Variants in GPBP1L1 observed in about 807,000 individuals in gnomAD.
GPBP1L1 encodes the protein vasculin-like protein 1.
In GPBP1L1, 23 loss-of-function variants were observed where a neutral mutation model predicts 52.5. The observed-to-expected ratio is 0.44, with a 90% CI of 0.32 to 0.62. GPBP1L1 has a LOEUF of 0.62. Ranked by LOEUF, GPBP1L1 falls within the 20% of genes least tolerant of loss-of-function variation. The probability of loss-of-function intolerance (pLI) is 0.06; values close to 1 mark genes in which losing one functional copy is unlikely to be tolerated. For synonymous variants in GPBP1L1, 243 were observed against 203.1 expected (o/e 1.20, Z -1.67); for missense variants, 596 against 579.3 (o/e 1.03, Z -0.30).
intron 2 of GPBP1L1, among the ~76,000 whole-genome samples, chr1:45,672,119 T>G (rs755803764): frequency 6.6e-6 from 1 of 152,192 alleles, no homozygotes; most frequent in Non-Finnish European, 1.5e-5. Context: ...TCCCAGCACT[T>G]TGGGAGGCCA....
At chr1:45,656,658 C>G (rs1416768378) in intron 4 of GPBP1L1, among the ~76,000 whole-genome samples, 1 of 151,238 alleles carries the variant, frequency 6.6e-6, no homozygotes, top group East Asian at 1.9e-4. Context: ...CAACAAAATA[C>G]ATACATAAGC....
intron 8 of GPBP1L1, among the ~76,000 whole-genome samples, chr1:45,638,208 A>T (rs1336731886): frequency 6.6e-6 from 1 of 152,224 alleles, no homozygotes; most frequent in Non-Finnish European, 1.5e-5. Context: ...TTCCAAGTAC[A>T]GTTCAAGTTG....
rs1190792688 is a variant in GPBP1L1, at chr1:45,666,176, G to GCAGTAGCACCCACTGCAACCTCCATCCCC, written c.-1097-4952_-1097-4951insGGGGATGGAGGTTGCAGTGGGTGCTACTG. On this transcript the variant is annotated intron_variant, in intron 2 of 12. Transcript: ENST00000355105. ...AGTCTTCTGTCACCCAGGCTGGAGTGCAGTGGCACCCACTGCAACCTCCAT... is the reference window on the plus strand; with the variant it reads ...AGTCTTCTGTCACCCAGGCTGGAGTGCAGTAGCACCCACTGCAACCTCCATCCCCCAGTGGCACCCACTGCAACCTCCAT... 2.9e-3 allele frequency among the ~76,000 whole-genome samples: 438 copies of GCAGTAGCACCCACTGCAACCTCCATCCCC among 151,380 alleles called. 3 individuals are homozygous for GCAGTAGCACCCACTGCAACCTCCATCCCC. Among genetic ancestry groups the GCAGTAGCACCCACTGCAACCTCCATCCCC allele is most frequent in the East Asian group, 0.021 (109 of 5,124 alleles).
At chr1:45,645,877 A>G (rs1339930183) in intron 6 of GPBP1L1, 6 of 508,522 alleles carry the variant, frequency 1.2e-5, no homozygotes, top group Non-Finnish European at 2.3e-5. Flanking sequence ...TTCATGGTCC[A>G]TGATACCAGC....
At position 45,659,094 on chromosome 1, in the gene GPBP1L1, CCA is replaced by C; in HGVS notation, c.-9_-8del. On this transcript the variant is annotated 5_prime_UTR_variant, in exon 4 of 13. An upstream open reading frame in the 5' UTR loses its in-frame stop. Coordinates refer to ENST00000355105, the MANE Select transcript of GPBP1L1 (RefSeq NM_021639.5). ...CAAAATCATGCTGCGCCATTTAGGT[CCA>C]GTGTCTCCTTTCAGTAAGGTGAGGC... 5 of 1,614,034 alleles carry C rather than the reference CCA, an allele frequency of 3.1e-6. No individual in the cohort carries two copies. Among genetic ancestry groups the C allele is most frequent in the Non-Finnish European group, 4.2e-6 (5 of 1,179,940 alleles).
intron 2 of GPBP1L1, among the ~76,000 whole-genome samples, chr1:45,675,295 CA>C (rs1421407250): frequency 1.3e-5 from 2 of 149,882 alleles, no homozygotes; most frequent in African/African-American, 2.5e-5. Context: ...GACTCTGTCT[CA>C]AAAAAAATAA....
chr1:45,641,812 C>T, intron 7 of GPBP1L1: 1 of 71,608 alleles, frequency 1.4e-5, no homozygotes, highest in African/African-American at 4.7e-5. Flanking sequence ...GAGACTCCAT[C>T]TCAAAAAAAA....
Position 45,659,153 on chromosome 1 carries a change from A to C in GPBP1L1, c.-55-11T>G. The C allele has an allele frequency of 6.8e-7, 1 of 1,464,408 alleles. No individual in the cohort carries two copies. The highest frequency in any genetic ancestry group is 1.7e-4 in the Middle Eastern group (1 of 5,736). 90.7% of individuals were successfully genotyped at this position (1,464,408 alleles called of 1,614,324 possible). A position where few individuals can be genotyped will look rare whatever the true frequency, so the allele number is the denominator to read the frequency against. The stretch of plus-strand genomic sequence containing the variant: ...CCTCATGGCCAGGATCTGAAAACAA[A>C]ACAATTCAAATCACTTATGTTTACA... On this transcript the variant is annotated splice_polypyrimidine_tract_variant and intron_variant, in intron 3 of 12. Transcript: ENST00000355105.
chr1:45,667,851 A>G (rs1343655874), intron 2 of GPBP1L1, among the ~76,000 whole-genome samples: 2 of 152,038 alleles, frequency 1.3e-5, no homozygotes, highest in African/African-American at 4.8e-5. Flanking sequence ...GGGTTCAAAC[A>G]ATTCTTGTGC....
At chr1:45,666,759 C>T (rs1173454973) in intron 2 of GPBP1L1, among the ~76,000 whole-genome samples, 1 of 152,188 alleles carries the variant, frequency 6.6e-6, no homozygotes, top group African/African-American at 2.4e-5. Context: ...TGAACGTTCA[C>T]AGCAGCCTTA....
intron 12 of GPBP1L1, among the ~76,000 whole-genome samples, chr1:45,629,287 T>A (rs12037459): frequency 2.0e-5 from 3 of 152,184 alleles, no homozygotes; most frequent in African/African-American, 7.2e-5. Flanking sequence ...ACCATAGCTC[T>A]GGAACACAGC....
chr1:45,639,032 T>C (rs1011785294), intron 8 of GPBP1L1, among the ~76,000 whole-genome samples: 1 of 152,116 alleles, frequency 6.6e-6, no homozygotes, highest in African/African-American at 2.4e-5. Flanking sequence ...TACTTATTTT[T>C]ACATTTTTAA....
chr1:45,649,395 T>A (rs1276341091), intron 6 of GPBP1L1, among the ~76,000 whole-genome samples: 6 of 152,204 alleles, frequency 3.9e-5, no homozygotes, highest in Non-Finnish European at 8.8e-5. Flanking sequence ...CCAGTAGTTA[T>A]TTAATCTAGG....
At chr1:45,677,989 A>G (rs1004818840) in intron 2 of GPBP1L1, among the ~76,000 whole-genome samples, 80 of 152,210 alleles carry the variant, frequency 5.3e-4, no homozygotes, top group African/African-American at 1.9e-3. Flanking sequence ...CCATGACCAC[A>G]AGAAATTCTG....
chr1:45,665,360 G>A (rs771785325), intron 2 of GPBP1L1, among the ~76,000 whole-genome samples: 14 of 152,154 alleles, frequency 9.2e-5, no homozygotes, highest in Non-Finnish European at 1.8e-4. Context: ...GAGCTCAAAG[G>A]GGAGGTGTGT....
In GPBP1L1 at chr1:45,660,368, T is replaced by G; in HGVS notation, c.-240A>C. ...GTCCCCTCAACTGCTCATCTTAAAC[T>G]ATTTGGTTCCTGACACGTTTCCAAA... On this transcript the variant is annotated 5_prime_UTR_variant, in exon 3 of 13. It removes the in-frame stop codon of an upstream open reading frame in the 5' UTR. Coordinates refer to ENST00000355105, the MANE Select transcript of GPBP1L1 (RefSeq NM_021639.5). The G allele has an allele frequency of 2.0e-6, 2 of 984,428 alleles. No homozygotes were observed. Among genetic ancestry groups the G allele is most frequent in the Non-Finnish European group, 1.2e-6 (1 of 829,652 alleles). 61.0% of individuals were successfully genotyped at this position (984,428 alleles called of 1,614,324 possible).
intron 6 of GPBP1L1, among the ~76,000 whole-genome samples, chr1:45,646,905 G>C (rs1345155861): frequency 6.6e-6 from 1 of 151,958 alleles, no homozygotes; most frequent in African/African-American, 2.4e-5. Context: ...CTTTCTGGGG[G>C]CGGGGTGGGA....
chr1:45,671,556 T>C (rs1432420719), intron 2 of GPBP1L1, among the ~76,000 whole-genome samples: 61 of 152,150 alleles, frequency 4.0e-4, no homozygotes, highest in Admixed American at 3.9e-3. Flanking sequence ...CGGTGGTACA[T>C]GCCTGTAATT....
intron 12 of GPBP1L1, 26 bp downstream of exon 12, chr1:45,629,550 C>A: frequency 1.5e-6 from 2 of 1,309,444 alleles, no homozygotes; most frequent in Non-Finnish European, 2.1e-6. Context: ...ACTAACTGGT[C>A]TCTAGGAAGA....
Sources: allele counts gnomAD v4.1 joint callset (sites outside exome capture counted in the v4.1 genomes callset), GRCh38; gene constraint gnomAD v4.1.1; transcripts MANE v1.5; gene names NCBI Gene and HGNC (gene_info 2026-07-23, HGNC 2026-07-21).